Variants in GABRA3 observed in about 807,000 individuals in gnomAD.
The protein encoded by GABRA3 is gamma-aminobutyric acid type A receptor subunit alpha3.
Under a neutral mutation model 30.1 loss-of-function variants are expected in GABRA3, and 10 were observed. The observed-to-expected ratio is 0.33, with a 90% CI of 0.20 to 0.56. GABRA3 has a LOEUF of 0.56. Among genes scored for constraint, GABRA3 ranks in the 20% least tolerant of loss-of-function variants. The pLI is 0.89. For missense variants in GABRA3, 233 were observed against 392.0 expected, an observed-to-expected ratio of 0.59 and a Z score of 3.42; for synonymous variants, 151 against 146.8, an observed-to-expected ratio of 1.03 and a Z score of -0.21.
intron 9 of GABRA3, among the ~76,000 whole-genome samples, chrX:152,172,267 G>A (rs1270778720): frequency 1.8e-5 from 2 of 111,542 alleles, no homozygotes; most frequent in African/African-American, 6.5e-5. Context: ...CTCACATTAT[G>A]ATGGGTACTA....
At position 152,256,397 on chromosome X, in the gene GABRA3, G is replaced by A. The variant is rs972337619; in HGVS notation, c.331-399C>T. Among the ~76,000 whole-genome samples the A allele has an allele frequency of 6.3e-5, 7 of 110,734 alleles. No homozygotes were observed. In the East Asian group the frequency reaches 1.1e-3, roughly 18 times the overall value. ...AACATCAAAGGCCAATATAAAAATC[G>A]CCACAAAACCAAAACCTTACATTTT... On this transcript the variant is annotated intron_variant, in intron 4 of 9. Coordinates refer to ENST00000370314, the MANE Select transcript of GABRA3 (RefSeq NM_000808.4).
At chrX:152,436,053 T>G (rs1414466627) in intron 1 of GABRA3, among the ~76,000 whole-genome samples, 1 of 111,341 alleles carries the variant, frequency 9.0e-6, no homozygotes, top group Non-Finnish European at 1.9e-5. Flanking sequence ...ACCATCTTAA[T>G]GTATCAGGAG....
chrX:152,436,327 A>G (rs763510909), intron 1 of GABRA3, among the ~76,000 whole-genome samples: 16 of 112,061 alleles, frequency 1.4e-4, no homozygotes, highest in Admixed American at 9.5e-4. Flanking sequence ...CTCAACCTCA[A>G]CAATATTAAC....
chrX:152,367,031 A>G (rs1928677641), intron 1 of GABRA3, among the ~76,000 whole-genome samples: 1 of 111,250 alleles, frequency 9.0e-6, no homozygotes, highest in African/African-American at 3.3e-5. Flanking sequence ...AGCTATTTGT[A>G]GTGTACGAAC....
intron 6 of GABRA3, among the ~76,000 whole-genome samples, chrX:152,215,723 G>T (rs1937707546): frequency 9.0e-6 from 1 of 111,488 alleles, no homozygotes; most frequent in Non-Finnish European, 1.9e-5. Context: ...CCAAAGCACA[G>T]GCATTAAAAG....
chrX:152,274,700 T>C lies in GABRA3; in HGVS notation c.330+9968A>G, dbSNP rs1208059926. On this transcript the variant is annotated intron_variant, in intron 4 of 9. Transcript: ENST00000370314. ...GATATTCATAAAGATGGCTTAAAGA[T>C]AGCCTTTAAGGAAAAGGAAAACCAA... Among the ~76,000 whole-genome samples the C allele has an allele frequency of 2.7e-5, 3 of 110,099 alleles. No homozygotes were observed. In the East Asian group the frequency reaches 8.5e-4, roughly 31 times the overall value.
chrX:152,369,962 G>T (rs571745633), intron 1 of GABRA3, among the ~76,000 whole-genome samples: 62 of 111,707 alleles, frequency 5.6e-4, no homozygotes, highest in Middle Eastern at 9.3e-3. Context: ...TTTGGAACCT[G>T]CCAGACTGAA....
intron 3 of GABRA3, among the ~76,000 whole-genome samples, chrX:152,321,402 T>G (rs955632649): frequency 9.0e-6 from 1 of 111,654 alleles, no homozygotes; most frequent in East Asian, 2.8e-4. Context: ...CATCAGGGAA[T>G]TCCAATGTGC....
At chrX:152,272,830 G>A (rs1372077254) in intron 4 of GABRA3, among the ~76,000 whole-genome samples, 2 of 111,327 alleles carry the variant, frequency 1.8e-5, no homozygotes, top group Non-Finnish European at 3.8e-5. Flanking sequence ...GGTTTTATAA[G>A]GGGATTTTCC....
At chrX:152,239,277 G>A (rs1938301775) in intron 5 of GABRA3, among the ~76,000 whole-genome samples, 1 of 106,139 alleles carries the variant, frequency 9.4e-6, no homozygotes, top group South Asian at 4.4e-4. Flanking sequence ...GGAGCAGGTT[G>A]TTCAGTTTCC....
chrX:152,413,192 T>C (rs1021528132), intron 1 of GABRA3, among the ~76,000 whole-genome samples: 7 of 109,290 alleles, frequency 6.4e-5, no homozygotes, highest in African/African-American at 2.3e-4. Flanking sequence ...AAGAATGAAA[T>C]CCCAGACCAG....
At chrX:152,344,481 T>C (rs1019637174) in intron 3 of GABRA3, among the ~76,000 whole-genome samples, 2 of 112,007 alleles carry the variant, frequency 1.8e-5, no homozygotes, top group African/African-American at 6.5e-5. Flanking sequence ...TTTGCCACCA[T>C]AATTGTTATT....
intron 4 of GABRA3, among the ~76,000 whole-genome samples, chrX:152,278,591 G>A (rs1173233890): frequency 1.8e-5 from 2 of 111,537 alleles, no homozygotes; most frequent in African/African-American, 6.5e-5. Flanking sequence ...TGTCTTTATA[G>A]CAGTATGATG....
rs1370871220 is a variant in GABRA3, at chrX:152,373,228, C to T, written c.-26-8632G>A. Among the ~76,000 whole-genome samples, 4 of 111,605 alleles carry T rather than the reference C, an allele frequency of 3.6e-5. No homozygotes were observed. In the Admixed American group the frequency reaches 3.8e-4, roughly 11 times the overall value. On this transcript the variant is annotated intron_variant, in intron 1 of 9. Coordinates refer to ENST00000370314, the MANE Select transcript of GABRA3 (RefSeq NM_000808.4). Reference sequence around the variant, plus strand: ...CATGATAGTTTGCTGCACAGATCAACCCATCACCTAAGTATTAAGCCCAGA... The same window carrying T: ...CATGATAGTTTGCTGCACAGATCAATCCATCACCTAAGTATTAAGCCCAGA...
At chrX:152,272,173 C>A (rs192292027) in intron 4 of GABRA3, among the ~76,000 whole-genome samples, 1 of 111,793 alleles carries the variant, frequency 8.9e-6, no homozygotes, top group Non-Finnish European at 1.9e-5. Flanking sequence ...CAGCTTACAT[C>A]ATGCACGTGG....
At chrX:152,364,340 T>C (rs1928594346) in intron 2 of GABRA3, 91 bp downstream of exon 2, 2 of 864,084 alleles carry the variant, frequency 2.3e-6, no homozygotes, top group Non-Finnish European at 1.6e-6. Flanking sequence ...CCAGAGTACT[T>C]GGGTTCATCT....
At chrX:152,285,339 T>C (rs1482064295) in intron 3 of GABRA3, among the ~76,000 whole-genome samples, 1 of 112,080 alleles carries the variant, frequency 8.9e-6, no homozygotes, top group Non-Finnish European at 1.9e-5. Context: ...GGATCCACAA[T>C]AGACTTTGCA....
At chrX:152,435,204 A>C (rs1930747040) in intron 1 of GABRA3, among the ~76,000 whole-genome samples, 1 of 111,855 alleles carries the variant, frequency 8.9e-6, no homozygotes, top group Admixed American at 9.5e-5. Context: ...TCAAGGATCT[A>C]GAACTAGAAA....
rs759480894 is a variant in GABRA3, at chrX:152,275,141, AAT to A, written c.330+9525_330+9526del. Among the ~76,000 whole-genome samples, 136 of 63,359 alleles carry A rather than the reference AAT, an allele frequency of 2.1e-3. 1 individual carries two copies. Among genetic ancestry groups the A allele is most frequent in the African/African-American group, 4.0e-3 (59 of 14,853 alleles). 55.0% of individuals were successfully genotyped at this position (63,359 alleles called of 115,157 possible). The stretch of plus-strand genomic sequence containing the variant: ...TTTAAACATTAAATATATATAATAT[AAT>A]ATATATATTTAATATTATATATATA... On this transcript the variant is annotated intron_variant, in intron 4 of 9. Transcript: ENST00000370314.
Sources: gnomAD v4.1 joint callset for allele counts (sites outside exome capture counted in the v4.1 genomes callset) on GRCh38, gnomAD v4.1.1 for gene constraint, MANE v1.5 for transcripts, NCBI Gene and HGNC (gene_info 2026-07-23, HGNC 2026-07-21) for gene names.